The following CNTNAP5 variants were observed in gnomAD, a reference collection of about 807,000 sequenced individuals.
CNTNAP5 encodes contactin-associated protein-like 5.
In CNTNAP5, 72 loss-of-function variants were observed where a neutral mutation model predicts 150.2. The observed-to-expected ratio is 0.48, with a 90% CI of 0.40 to 0.58. CNTNAP5 has a LOEUF of 0.58. Among genes scored for constraint, CNTNAP5 ranks in the 20% least tolerant of loss-of-function variants. CNTNAP5 has a pLI of 0.00. For synonymous variants in CNTNAP5, 672 were observed against 619.8 expected, an observed-to-expected ratio of 1.08 and a Z score of -1.25; for missense variants, 1,636 against 1,626.2, an observed-to-expected ratio of 1.01 and a Z score of -0.10.
At chr2:124,273,167 C>T (rs1687800839) in intron 3 of CNTNAP5, among the ~76,000 whole-genome samples, 1 of 152,168 alleles carries the variant, frequency 6.6e-6, no homozygotes, top group Non-Finnish European at 1.5e-5. Flanking sequence ...GCTCAATAAG[C>T]ATTGGTCCTG....
intron 1 of CNTNAP5, among the ~76,000 whole-genome samples, chr2:124,125,409 A>T (rs1445249294): frequency 6.6e-6 from 1 of 152,206 alleles, no homozygotes; most frequent in Admixed American, 6.5e-5. Flanking sequence ...CCAGATTCAT[A>T]AAGCAAGCCC....
At chr2:124,889,213 T>G (rs1249855737) in intron 21 of CNTNAP5, among the ~76,000 whole-genome samples, 2 of 151,336 alleles carry the variant, frequency 1.3e-5, no homozygotes, top group African/African-American at 4.9e-5. Context: ...GATTCTGCTG[T>G]TTCAGCCTCC....
chr2:124,116,855 G>C (rs1683441760), intron 1 of CNTNAP5, among the ~76,000 whole-genome samples: 1 of 152,124 alleles, frequency 6.6e-6, no homozygotes, highest in Admixed American at 6.5e-5. Flanking sequence ...TTCACTAACT[G>C]GGTCCTTCAT....
chr2:124,808,639 A>G (rs972469118), intron 19 of CNTNAP5, among the ~76,000 whole-genome samples: 1 of 152,124 alleles, frequency 6.6e-6, no homozygotes, highest in Non-Finnish European at 1.5e-5. Context: ...TTATTTTAGA[A>G]GTAGGAAACT....
chr2:124,183,538 C>T (rs543703848), intron 1 of CNTNAP5, among the ~76,000 whole-genome samples: 5 of 152,288 alleles, frequency 3.3e-5, no homozygotes, highest in African/African-American at 1.2e-4. Flanking sequence ...TGAATAGCTT[C>T]CTTTCAAAAA....
chr2:124,156,132 C>T (rs1202241613), intron 1 of CNTNAP5, among the ~76,000 whole-genome samples: 2 of 152,152 alleles, frequency 1.3e-5, no homozygotes, highest in Admixed American at 6.5e-5. Flanking sequence ...ATCTTGATTT[C>T]GTAAAAGGGT....
chr2:124,487,658 A>G (rs1300004769), intron 7 of CNTNAP5, among the ~76,000 whole-genome samples: 3 of 152,154 alleles, frequency 2.0e-5, no homozygotes, highest in East Asian at 3.9e-4. Context: ...AGCTCATTTC[A>G]TGTGCATGGG....
At chr2:124,306,723 T>C (rs946949084) in intron 3 of CNTNAP5, among the ~76,000 whole-genome samples, 1 of 139,068 alleles carries the variant, frequency 7.2e-6, no homozygotes, top group Non-Finnish European at 1.5e-5. Context: ...CTCTTTCTTT[T>C]TTTTTTTTTT....
chr2:124,694,128 G>A (rs1036056960), intron 13 of CNTNAP5, among the ~76,000 whole-genome samples: 1 of 152,130 alleles, frequency 6.6e-6, no homozygotes, highest in Non-Finnish European at 1.5e-5. Flanking sequence ...TAAAACTCCT[G>A]AGCTTCCCCC....
intron 13 of CNTNAP5, among the ~76,000 whole-genome samples, chr2:124,666,085 C>G (rs1678694756): frequency 6.6e-6 from 1 of 151,958 alleles, no homozygotes; most frequent in African/African-American, 2.4e-5. Flanking sequence ...TAAAATATAA[C>G]CCAAAGAAGC....
At chr2:124,085,708 GTCAA>G (rs1427748890) in intron 1 of CNTNAP5, among the ~76,000 whole-genome samples, 1 of 152,210 alleles carries the variant, frequency 6.6e-6, no homozygotes, top group African/African-American at 2.4e-5. Context: ...TATCTTCACT[GTCAA>G]TCAGTTTGAT....
intron 4 of CNTNAP5, among the ~76,000 whole-genome samples, chr2:124,429,030 A>G (rs1226738021): frequency 6.6e-6 from 1 of 152,180 alleles, no homozygotes; most frequent in East Asian, 1.9e-4. Context: ...AAAGATTTTG[A>G]TTTCTATAAC....
chr2:124,400,965 G>A (rs764904034), intron 3 of CNTNAP5, among the ~76,000 whole-genome samples: 9 of 151,884 alleles, frequency 5.9e-5, no homozygotes, highest in Non-Finnish European at 8.8e-5. Context: ...TCCGCCTCCC[G>A]GGTTCAAGCG....
rs928383683 is a variant in CNTNAP5 at position 124,685,652 on chromosome 2, A to G, written c.2077+37694A>G. ...ACTGAGGTTTTTTAAAACGAATGCA[A>G]TTTATTATCTAGGCAGTCTTCTGTG... is the stretch of plus-strand genomic sequence containing the variant. On this transcript the variant is annotated intron_variant, in intron 13 of 23. Transcript: ENST00000682447. Among the ~76,000 whole-genome samples the G allele has an allele frequency of 2.0e-5, 3 of 152,090 alleles. No individual in the cohort carries two copies. In the East Asian group the frequency reaches 5.8e-4, roughly 29 times the overall value.
At chr2:124,504,232 A>G (rs1464848778) in intron 7 of CNTNAP5, 60 bp from the exon 8 acceptor site, 4 of 1,534,638 alleles carry the variant, frequency 2.6e-6, no homozygotes, top group Non-Finnish European at 3.6e-6. Context: ...TGTTTATATC[A>G]GCTGTCAGAT....
At chr2:124,412,938 C>T (rs1429098979) in intron 3 of CNTNAP5, among the ~76,000 whole-genome samples, 1 of 101,398 alleles carries the variant, frequency 9.9e-6, no homozygotes. Flanking sequence ...TCAGAGTGAA[C>T]AGACAACCTA....
At chr2:124,204,235 C>T (rs547119950) in intron 1 of CNTNAP5, among the ~76,000 whole-genome samples, 65 of 152,256 alleles carry the variant, frequency 4.3e-4, no homozygotes, top group African/African-American at 1.5e-3. Context: ...CCAGTCTCTT[C>T]GATAAGCATA....
At chr2:124,227,633 CGTGTGTATGTGTGTGTGT>C (rs1686494797) in intron 2 of CNTNAP5, among the ~76,000 whole-genome samples, 1 of 122,020 alleles carries the variant, frequency 8.2e-6, no homozygotes, top group African/African-American at 3.3e-5. Context: ...CTCAGCACAT[CGTGTGTATGTGTGTGTGT>C]GTGTGTGTGT....
intron 6 of CNTNAP5, among the ~76,000 whole-genome samples, chr2:124,470,565 A>G (rs1387478096): frequency 1.3e-5 from 2 of 151,938 alleles, no homozygotes; most frequent in Non-Finnish European, 2.9e-5. Flanking sequence ...GATGCTCTTT[A>G]GTTTAATTAG....
Sources: allele counts gnomAD v4.1 joint callset (sites outside exome capture counted in the v4.1 genomes callset), GRCh38; gene constraint gnomAD v4.1.1; transcripts MANE v1.5; gene names NCBI Gene and HGNC (gene_info 2026-07-23, HGNC 2026-07-21).